The following CAMKMT variants were observed in gnomAD, a reference collection of about 807,000 sequenced individuals.
CAMKMT encodes the protein calmodulin-lysine N-methyltransferase, also known as CaM KMT.
Under a neutral mutation model 48.0 loss-of-function variants are expected in CAMKMT, and 53 were observed. The ratio of observed to expected loss-of-function variants is 1.10; its 90% CI spans 0.89 to 1.39. The LOEUF (loss-of-function observed/expected upper bound fraction) is 1.39. CAMKMT is among the 40% of genes most tolerant of loss of function. The probability of loss-of-function intolerance (pLI) is 0.00; values close to 1 mark genes in which losing one functional copy is unlikely to be tolerated. For synonymous variants in CAMKMT, 165 were observed against 152.3 expected (o/e 1.08, Z -0.61); for missense variants, 428 against 402.7 (o/e 1.06, Z -0.54).
chr2:44,439,893 A>G (rs541550041), intron 3 of CAMKMT, among the ~76,000 whole-genome samples: 4 of 152,276 alleles, frequency 2.6e-5, no homozygotes, highest in Non-Finnish European at 4.4e-5. Flanking sequence ...TATGAATGCT[A>G]TAAGTCAAGA....
chr2:44,376,380 C>T (rs1324681501), intron 2 of CAMKMT, among the ~76,000 whole-genome samples: 1 of 149,690 alleles, frequency 6.7e-6, no homozygotes, highest in Non-Finnish European at 1.5e-5. Flanking sequence ...GAGATTGTGC[C>T]ACTGAACTCC....
intron 4 of CAMKMT, chr2:44,705,275 A>T: frequency 9.3e-5 from 74 of 796,078 alleles, no homozygotes; most frequent in Non-Finnish European, 1.1e-4. Flanking sequence ...CCCTCTTCCC[A>T]CCTCTCCCTC....
At position 44,403,050 on chromosome 2, in the gene CAMKMT, G is replaced by A. The variant is rs186489312; in HGVS notation, c.376+12745G>A. On this transcript the variant is annotated intron_variant, in intron 3 of 10. Transcript: ENST00000378494. Reference sequence around the variant, plus strand: ...ATTTCTGATGATCCTTAAGAGTTGTGTACTACAAAACTGATTGGAAGGGAC... The same window carrying A: ...ATTTCTGATGATCCTTAAGAGTTGTATACTACAAAACTGATTGGAAGGGAC... Among the ~76,000 whole-genome samples the A allele has an allele frequency of 4.8e-3, 729 of 151,538 alleles. 3 individuals carry two copies. In the Middle Eastern group the frequency reaches 0.058, roughly 12 times the overall value.
intron 3 of CAMKMT, among the ~76,000 whole-genome samples, chr2:44,623,576 A>T (rs900315858): frequency 6.6e-6 from 1 of 152,170 alleles, no homozygotes; most frequent in East Asian, 1.9e-4. Context: ...CATTTATTGA[A>T]TAGGGAGTCT....
intron 3 of CAMKMT, among the ~76,000 whole-genome samples, chr2:44,429,688 C>T (rs920864049): frequency 1.3e-5 from 2 of 151,216 alleles, no homozygotes; most frequent in Non-Finnish European, 2.9e-5. Context: ...GTAGTCCCAG[C>T]TACTCGGGAG....
Position 44,459,208 on chromosome 2 carries a change from G to A in CAMKMT, c.376+68903G>A, listed in dbSNP as rs370719682. On this transcript the variant is annotated intron_variant, in intron 3 of 10. Coordinates refer to ENST00000378494, the MANE Select transcript of CAMKMT (RefSeq NM_024766.5). ...AACATAGTTTTGAAGACCAGCTTTA[G>A]AATTTCAATAGTTATTGTATATTCA... 5.5e-4 allele frequency among the ~76,000 whole-genome samples: 83 copies of A among 152,150 alleles called. 1 individual carries two copies. Among genetic ancestry groups the A allele is most frequent in the Middle Eastern group, 6.8e-3 (2 of 294 alleles).
chr2:44,591,155 A>T (rs1293442477), intron 3 of CAMKMT, among the ~76,000 whole-genome samples: 1 of 149,980 alleles, frequency 6.7e-6, no homozygotes, highest in African/African-American at 2.4e-5. Context: ...TGGTTACTGT[A>T]GCCTTGTAGT....
At chr2:44,414,259 T>TA (rs1683402882) in intron 3 of CAMKMT, among the ~76,000 whole-genome samples, 1 of 152,208 alleles carries the variant, frequency 6.6e-6, no homozygotes, top group African/African-American at 2.4e-5. Context: ...TTTAGCAGCT[T>TA]AAAACAAATA....
chr2:44,371,525 G>A (rs890452404), intron 1 of CAMKMT, among the ~76,000 whole-genome samples: 5 of 151,812 alleles, frequency 3.3e-5, no homozygotes, highest in African/African-American at 1.2e-4. Flanking sequence ...CTTTATTTTT[G>A]TTTGCTTATG....
chr2:44,384,578 G>A (rs534559869), intron 2 of CAMKMT, among the ~76,000 whole-genome samples: 1 of 147,990 alleles, frequency 6.8e-6, no homozygotes, highest in South Asian at 2.2e-4. Context: ...GTCTAGAAGA[G>A]TTTTTCCAAT....
At chr2:44,559,940 C>T (rs1668235525) in intron 3 of CAMKMT, among the ~76,000 whole-genome samples, 1 of 152,116 alleles carries the variant, frequency 6.6e-6, no homozygotes, top group Non-Finnish European at 1.5e-5. Context: ...GGTTTTTAAA[C>T]TCATTTTTAT....
chr2:44,476,259 A>C (rs769298455), intron 3 of CAMKMT, among the ~76,000 whole-genome samples: 24 of 152,118 alleles, frequency 1.6e-4, no homozygotes, highest in Non-Finnish European at 2.4e-4. Context: ...TGGTGAAAGC[A>C]TGTGGTTGGA....
In CAMKMT at chr2:44,653,849, C is replaced by G. The variant is rs1300323394; in HGVS notation, c.377-50434C>G. On this transcript the variant is annotated intron_variant, in intron 3 of 10. Coordinates refer to ENST00000378494, the MANE Select transcript of CAMKMT (RefSeq NM_024766.5). This position sits in a 1 kb window ranked among gnomAD's most constrained non-coding sequence, Gnocchi z 5.2. ...AACAAAACTGACACATAGTAGACAT[C>G]AATTAATATTTGTTGAGTGAAAGAA... Among the ~76,000 whole-genome samples, 1 of 152,108 alleles carries G rather than the reference C, an allele frequency of 6.6e-6. No homozygotes were observed. Among genetic ancestry groups the G allele is most frequent in the Admixed American group, 6.5e-5 (1 of 15,270 alleles).
intron 3 of CAMKMT, among the ~76,000 whole-genome samples, chr2:44,608,070 CTTTTTTTT>C (rs10587945): frequency 8.9e-6 from 1 of 111,942 alleles, no homozygotes; most frequent in Admixed American, 1.1e-4. Flanking sequence ...ATATATTTTC[CTTTTTTTT>C]TTTTTTTTTT....
At chr2:44,402,971 T>C (rs1313977268) in intron 3 of CAMKMT, among the ~76,000 whole-genome samples, 4 of 151,868 alleles carry the variant, frequency 2.6e-5, no homozygotes, top group African/African-American at 7.3e-5. Context: ...TTTAAATCGC[T>C]TTTTCTGTTT....
At position 44,362,145 on chromosome 2, in the gene CAMKMT, G is replaced by A. The variant is rs1174964558; in HGVS notation, c.138G>A (p.Gln46=). Reference sequence around the variant, plus strand: ...CCGCCCGGTGGAAGCTCCTGCGGCAGGTAAGGGAGAACCTGCTCGCCTCAC... The same window carrying A: ...CCGCCCGGTGGAAGCTCCTGCGGCAAGTAAGGGAGAACCTGCTCGCCTCAC... The part of the protein sequence containing the change: ...LGAARWKLLR[Q]VLKQKHLDDC... Residue 46 remains glutamine (Q), a splice_region_variant and synonymous_variant, in exon 1 of 11, where the codon CAG becomes CAA. Coordinates refer to ENST00000378494, the MANE Select transcript of CAMKMT (RefSeq NM_024766.5). 1.4e-6 allele frequency: 2 copies of A among 1,472,120 alleles called. No individual in the cohort carries two copies. Among genetic ancestry groups the A allele is most frequent in the East Asian group, 2.9e-5 (1 of 34,542 alleles). 91.2% of individuals were successfully genotyped at this position (1,472,120 alleles called of 1,614,324 possible). A position where few individuals can be genotyped will look rare whatever the true frequency, so the allele number is the denominator to read the frequency against.
chr2:44,722,850 T>A (rs1385426640), intron 7 of CAMKMT, among the ~76,000 whole-genome samples: 1 of 152,314 alleles, frequency 6.6e-6, no homozygotes, highest in East Asian at 1.9e-4. Flanking sequence ...ACGGAAAATA[T>A]AATTAGTAAA....
Position 44,448,293 on chromosome 2 carries a change from T to A in CAMKMT, c.376+57988T>A, listed in dbSNP as rs35945806. Among the ~76,000 whole-genome samples the A allele has an allele frequency of 3.8e-3, 584 of 152,340 alleles. 3 individuals carry two copies. The highest frequency in any genetic ancestry group is 5.3e-3 in the Non-Finnish European group (364 of 68,044). On this transcript the variant is annotated intron_variant, in intron 3 of 10. Coordinates refer to ENST00000378494, the MANE Select transcript of CAMKMT (RefSeq NM_024766.5). ...CTTTAGTTGAAAAAAAATCCACATA[T>A]AAGTGTATCTGCACATTTCAAACCT...
chr2:44,645,556 C>G (rs1673686454), intron 3 of CAMKMT, among the ~76,000 whole-genome samples: 1 of 152,168 alleles, frequency 6.6e-6, no homozygotes. Context: ...CACAATGGCT[C>G]ACACCTATAA....
Sources: allele counts gnomAD v4.1 joint callset (sites outside exome capture counted in the v4.1 genomes callset), GRCh38; gene constraint gnomAD v4.1.1; non-coding constraint Gnocchi (gnomAD v3.1); transcripts MANE v1.5; gene names NCBI Gene and HGNC (gene_info 2026-07-23, HGNC 2026-07-21).